Variants in FXYD5 observed in about 807,000 individuals in gnomAD.
FXYD5 encodes the protein FXYD domain-containing ion transport regulator 5.
In FXYD5, 21 loss-of-function variants were observed where a neutral mutation model predicts 25.7. That is an observed-to-expected ratio of 0.82 (90% CI 0.58 to 1.18). The LOEUF is 1.18. Among genes scored for constraint, FXYD5 ranks in the 50% most tolerant of loss-of-function variants. The probability of loss-of-function intolerance (pLI) is 0.00; values close to 1 mark genes in which losing one functional copy is unlikely to be tolerated. For missense variants in FXYD5, 229 were observed against 227.7 expected (o/e 1.01, Z -0.04); for synonymous variants, 101 against 90.7 (o/e 1.11, Z -0.64).
Position 35,161,452 on chromosome 19 carries a change from G to A in FXYD5, c.292+651G>A, listed in dbSNP as rs10425979. 9.7e-3 allele frequency among the ~76,000 whole-genome samples: 1,474 copies of A among 152,274 alleles called. 27 individuals carry two copies. The highest frequency in any genetic ancestry group is 0.034 in the African/African-American group (1,401 of 41,534). On this transcript the variant is annotated intron_variant, in intron 5 of 8. Coordinates refer to ENST00000392219, the MANE Select transcript of FXYD5 (RefSeq NM_014164.6). ...TTAGGTCACATACGTGGTGGCTAGA[G>A]AACAAAATCTTTCCCATTATTTCTA...
intron 3 of FXYD5, among the ~76,000 whole-genome samples, chr19:35,157,936 C>A (rs1349296349): frequency 6.6e-6 from 1 of 152,212 alleles, no homozygotes; most frequent in African/African-American, 2.4e-5. Context: ...CCATGTCCAA[C>A]CTCCACCAGG....
intron 6 of FXYD5, among the ~76,000 whole-genome samples, chr19:35,165,307 T>C (rs2065441016): frequency 6.6e-6 from 1 of 152,254 alleles, no homozygotes; most frequent in Non-Finnish European, 1.5e-5. Context: ...GGGTGGATTA[T>C]TCATGAGTTT....
chr19:35,157,457 C>G lies in FXYD5; in HGVS notation c.98C>G (p.Ala33Gly). 1 of 1,598,474 alleles carries G rather than the reference C, an allele frequency of 6.3e-7. No homozygotes were observed. Among genetic ancestry groups the G allele is most frequent in the Non-Finnish European group, 8.6e-7 (1 of 1,165,926 alleles). Residue 33 changes from alanine to glycine, a missense_variant, in exon 3 of 9, where the codon GCA (alanine) becomes GGA (glycine). Transcript: ENST00000392219. Reference protein sequence around the residue: ...TLKDTTSSSSADSTIMDIQVP... With the variant: ...TLKDTTSSSSGDSTIMDIQVP... ...AAAGATACCACGTCCAGTTCTTCAG[C>G]AGACTCAACTATCATGGACATTCAG...
In FXYD5 at chr19:35,169,500, C is replaced by T; in HGVS notation, c.488-66C>T. On this transcript the variant is annotated intron_variant, in intron 8 of 8. Transcript: ENST00000392219. ...GGGTTGATCAATCTGGTTCCCCAGC[C>T]CCACAACACACGATAAGAATCAATA... The T allele has an allele frequency of 4.1e-6, 5 of 1,217,258 alleles. No individual in the cohort carries two copies. In the South Asian group the frequency reaches 4.8e-5, roughly 12 times the overall value. The allele number at this position is 1,217,258 out of a possible 1,614,324, so 75.4% of individuals were successfully genotyped here.
intron 5 of FXYD5, among the ~76,000 whole-genome samples, chr19:35,163,313 C>G (rs374791935): frequency 6.6e-6 from 1 of 151,924 alleles, no homozygotes; most frequent in Non-Finnish European, 1.5e-5. Context: ...CACGAGGGAG[C>G]TTCTCTGTCT....
intron 5 of FXYD5, among the ~76,000 whole-genome samples, chr19:35,161,249 A>ACACACACACATACACACACACAC (rs58296906): frequency 8.3e-6 from 1 of 120,402 alleles, no homozygotes; most frequent in African/African-American, 3.3e-5. Flanking sequence ...CACACACACA[A>ACACACACACATACACACACACAC]AAGAATGATT....
chr19:35,160,884 C>T, intron 5 of FXYD5, 83 bp downstream of exon 5: 1 of 842,794 alleles, frequency 1.2e-6, no homozygotes, highest in Non-Finnish European at 2.0e-6. Context: ...GTACGTTTCT[C>T]AGTGCCCCTG....
intron 2 of FXYD5, 58 bp from the exon 3 acceptor site, chr19:35,157,363 G>T: frequency 2.3e-6 from 2 of 873,142 alleles, no homozygotes; most frequent in Non-Finnish European, 3.9e-6. Flanking sequence ...GCGAGGGCGG[G>T]GGTGGTGAGA....
Position 35,159,591 on chromosome 19 carries a change from ACACAGCAC to A in FXYD5, c.200-1113_200-1106del, listed in dbSNP as rs1404979912. ...GCTGTTTCCAGCTTTTTCTGTCTAC[ACACAGCAC>A]CACAATGAGCAACTTTGTCCCTTCC... On this transcript the variant is annotated intron_variant, in intron 4 of 8. Coordinates refer to ENST00000392219, the MANE Select transcript of FXYD5 (RefSeq NM_014164.6). The A allele has an allele frequency of 1.1e-5, 17 of 1,550,600 alleles. 1 individual carries two copies. The South Asian group carries it at 1.8e-4, about 16-fold the overall frequency.
At chr19:35,164,267 C>A (rs1389442902) in intron 6 of FXYD5, 22 bp downstream of exon 6, 3 of 1,597,288 alleles carry the variant, frequency 1.9e-6, no homozygotes, top group Non-Finnish European at 2.6e-6. Context: ...CCTCCCCAGA[C>A]TGGAAACAGG....
At position 35,156,473 on chromosome 19, in the gene FXYD5, G is replaced by A. The variant is rs377060976; in HGVS notation, c.61+862G>A. Among the ~76,000 whole-genome samples the A allele has an allele frequency of 5.7e-4, 87 of 152,304 alleles. 1 individual carries two copies. The South Asian group carries it at 0.017, about 30-fold the overall frequency. The stretch of plus-strand genomic sequence containing the variant: ...TATATCGTGTGCTAGGAGGTGATAC[G>A]TGCTTGCAGAAAAGTAGAGGTAATG... On this transcript the variant is annotated intron_variant, in intron 2 of 8. Transcript: ENST00000392219.
intron 8 of FXYD5, among the ~76,000 whole-genome samples, chr19:35,168,003 G>A (rs958531535): frequency 7.2e-5 from 11 of 151,898 alleles, no homozygotes; most frequent in Non-Finnish European, 1.3e-4. Flanking sequence ...AGGATGGCTT[G>A]AGCCCAGGGG....
At chr19:35,169,220 G>C (rs1410844803) in intron 8 of FXYD5, among the ~76,000 whole-genome samples, 1 of 152,166 alleles carries the variant, frequency 6.6e-6, no homozygotes, top group Non-Finnish European at 1.5e-5. Context: ...ATTTGATTTT[G>C]TAATTTTTCT....
chr19:35,169,698 A>C lies in FXYD5; in HGVS notation c.*83A>C. 1 of 875,752 alleles carries C rather than the reference A, an allele frequency of 1.1e-6. No homozygotes were observed. Among genetic ancestry groups the C allele is most frequent in the Admixed American group, 1.8e-5 (1 of 54,324 alleles). The allele number at this position is 875,752 out of a possible 1,614,324, so 54.2% of individuals were successfully genotyped here. A position where few individuals can be genotyped will look rare whatever the true frequency, so the allele number is the denominator to read the frequency against. ...CAGCTCACCGTGCCCAGCCTCCTGC[A>C]TCCCCTCGAAGAGCCTGGCCAGAGA... On this transcript the variant is annotated 3_prime_UTR_variant, in exon 9 of 9. Coordinates refer to ENST00000392219, the MANE Select transcript of FXYD5 (RefSeq NM_014164.6).
At chr19:35,166,564 TG>T (rs1451335569) in intron 8 of FXYD5, 1 of 469,186 alleles carries the variant, frequency 2.1e-6, no homozygotes, top group Non-Finnish European at 3.7e-6. Flanking sequence ...TGGTCTCAAC[TG>T]GATTTACTCT....
rs185681626 is a variant in FXYD5, at chr19:35,162,373, G to A, written c.292+1572G>A. On this transcript the variant is annotated intron_variant, in intron 5 of 8. Transcript: ENST00000392219. ...TAGGGTTTTAATCTGCTCAGGTTAC[G>A]ATAACAAAATACCACAGACTGGATG... Among the ~76,000 whole-genome samples the A allele has an allele frequency of 4.8e-4, 73 of 152,272 alleles. 1 individual carries two copies. In the Middle Eastern group the frequency reaches 0.014, roughly 28 times the overall value.
In FXYD5 at chr19:35,166,335, G is replaced by T; in HGVS notation, c.487+10G>T. 1.3e-6 allele frequency: 2 copies of T among 1,532,774 alleles called. No individual in the cohort carries two copies. Among genetic ancestry groups the T allele is most frequent in the Non-Finnish European group, 1.8e-6 (2 of 1,125,584 alleles). 94.9% of individuals were successfully genotyped at this position (1,532,774 alleles called of 1,614,324 possible). ...ATCATCATCCTCACCAGTGAGAACT[G>T]GGGTTGGGTGGGAAGGACACCAAGA... On this transcript the variant is annotated intron_variant, in intron 8 of 8. Coordinates refer to ENST00000392219, the MANE Select transcript of FXYD5 (RefSeq NM_014164.6).
intron 5 of FXYD5, among the ~76,000 whole-genome samples, chr19:35,162,304 T>C (rs547355743): frequency 6.6e-6 from 1 of 152,326 alleles, no homozygotes; most frequent in African/African-American, 2.4e-5. Context: ...AGGAAATGGC[T>C]CATGTTATTT....
chr19:35,168,481 C>G (rs1262952191), intron 8 of FXYD5, among the ~76,000 whole-genome samples: 1 of 152,104 alleles, frequency 6.6e-6, no homozygotes, highest in Non-Finnish European at 1.5e-5. Context: ...TGAGCTGCGC[C>G]CATTGCTATA....
Sources: allele counts gnomAD v4.1 joint callset (sites outside exome capture counted in the v4.1 genomes callset), GRCh38; gene constraint gnomAD v4.1.1; transcripts MANE v1.5; gene names NCBI Gene and HGNC (gene_info 2026-07-23, HGNC 2026-07-21).